PHIP: variants seen among roughly 807,000 people sequenced by gnomAD.
The protein encoded by PHIP is PH-interacting protein.
Under a neutral mutation model 236.8 loss-of-function variants are expected in PHIP, and 54 were observed. That is an observed-to-expected ratio of 0.23 (90% CI 0.18 to 0.29). The LOEUF (loss-of-function observed/expected upper bound fraction) is 0.29. Among genes scored for constraint, PHIP ranks in the 10% least tolerant of loss-of-function variants. The pLI, the probability that PHIP is intolerant of heterozygous loss-of-function variation, is 1.00. For missense variants in PHIP, 1,370 were observed against 2,190.8 expected, an observed-to-expected ratio of 0.63 and a Z score of 7.48; for synonymous variants, 756 against 718.9, an observed-to-expected ratio of 1.05 and a Z score of -0.83.
intron 17 of PHIP, among the ~76,000 whole-genome samples, 194 bp downstream of exon 17, chr6:79,001,696 AATCAAAATT>A (rs1770007585): frequency 6.6e-6 from 1 of 152,134 alleles, no homozygotes; most frequent in South Asian, 2.1e-4. Flanking sequence ...ATGGATAATA[AATCAAAATT>A]ATTACTGTAA....
chr6:78,947,036 A>T (rs1582084236), intron 36 of PHIP, among the ~76,000 whole-genome samples, 162 bp from the exon 37 acceptor site: 2 of 152,316 alleles, frequency 1.3e-5, no homozygotes, highest in East Asian at 3.9e-4. Flanking sequence ...GGTAAACTGA[A>T]GCATTTTAAC....
chr6:78,959,989 T>C (rs1766671982), intron 31 of PHIP, among the ~76,000 whole-genome samples: 1 of 152,126 alleles, frequency 6.6e-6, no homozygotes, highest in African/African-American at 2.4e-5. Context: ...AACTGTACAA[T>C]ACACTGTACA....
chr6:78,940,797 T>G lies in PHIP; in HGVS notation c.5362A>C (p.Arg1788=). The change falls in exon 40 of 40, where the codon AGG becomes CGG. Residue 1788 remains arginine (R), a synonymous_variant. Transcript: ENST00000275034. The part of the protein sequence containing the change: ...YNEDDSEEEQ[R]QLLFEDTSLT... ...GAGGTGTCTTCGAACAACAGCTGCC[T>G]TTGCTCCTCTTCAGAGTCATCCTCA... The G allele has an allele frequency of 3.1e-6, 5 of 1,613,958 alleles. No individual in the cohort carries two copies. Among genetic ancestry groups the G allele is most frequent in the Non-Finnish European group, 4.2e-6 (5 of 1,179,890 alleles).
intron 32 of PHIP, chr6:78,957,866 T>C (rs1271196509): frequency 6.6e-6 from 1 of 152,028 alleles, no homozygotes; most frequent in Admixed American, 6.6e-5. Flanking sequence ...ACTCTTGTTA[T>C]GGGATCAATG....
intron 24 of PHIP, among the ~76,000 whole-genome samples, chr6:78,972,239 A>C (rs1365442798): frequency 6.6e-6 from 1 of 152,188 alleles, no homozygotes; most frequent in African/African-American, 2.4e-5. Context: ...TGAGCAGCCT[A>C]ACTGGGAGGC....
At chr6:79,023,565 A>G (rs1261146298) in intron 9 of PHIP, among the ~76,000 whole-genome samples, 1 of 152,092 alleles carries the variant, frequency 6.6e-6, no homozygotes, top group Non-Finnish European at 1.5e-5. Context: ...TCTATTGAAC[A>G]TAATGCAAGC....
rs753756697 is a variant in PHIP, at chr6:78,946,751, T to C, written c.4330A>G (p.Arg1444Gly). ...CTGGAAACAGAGCTGCTTCTGTTTC[T>C]TTTCTTCCTCCTTTTGGTTATGGTA... is the stretch of plus-strand genomic sequence containing the variant. ...RNTITKRRKKRNRSSSVSSSA... is the reference protein window; with the variant it reads ...RNTITKRRKKGNRSSSVSSSA... The change falls in exon 37 of 40, where the codon AGA becomes GGA. Residue 1444 changes from arginine to glycine, a missense_variant. Arg to Gly is a moderately radical substitution (Grantham distance 125). Around this residue, in one of 14 missense-constraint regions of PHIP, gnomAD observed 125 missense variants for 235.1 expected, o/e 0.53. Coordinates refer to ENST00000275034, the MANE Select transcript of PHIP (RefSeq NM_017934.7). 2 of 1,589,610 alleles carry C rather than the reference T, an allele frequency of 1.3e-6. No individual in the cohort carries two copies. Among genetic ancestry groups the C allele is most frequent in the East Asian group, 2.3e-5 (1 of 43,468 alleles).
In PHIP at chr6:78,936,985, CA is replaced by C. The variant is rs1171102187; in HGVS notation, c.*3707del. The C allele has an allele frequency of 1.3e-5, 2 of 151,742 alleles. No individual in the cohort carries two copies. Among genetic ancestry groups the C allele is most frequent in the African/African-American group, 4.8e-5 (2 of 41,418 alleles). The allele number at this position is 151,742 out of a possible 1,614,324, so 9.4% of individuals were successfully genotyped here. A position where few individuals can be genotyped will look rare whatever the true frequency, so the allele number is the denominator to read the frequency against. ...AAAATAAATTCTTGCCTAAGTGTAACAAAACCACTGCTCAATCTGTTATGTT... is the reference window on the plus strand; with the variant it reads ...AAAATAAATTCTTGCCTAAGTGTAACAAACCACTGCTCAATCTGTTATGTT... On this transcript the variant is annotated 3_prime_UTR_variant, in exon 40 of 40. Coordinates refer to ENST00000275034, the MANE Select transcript of PHIP (RefSeq NM_017934.7).
chr6:79,005,274 C>T (rs1770225661), intron 15 of PHIP, among the ~76,000 whole-genome samples: 1 of 151,858 alleles, frequency 6.6e-6, no homozygotes, highest in South Asian at 2.1e-4. Flanking sequence ...GTAACTGATT[C>T]CAAGTCTACT....
intron 16 of PHIP, among the ~76,000 whole-genome samples, chr6:79,002,394 T>C (rs1446091908): frequency 6.6e-6 from 1 of 152,108 alleles, no homozygotes; most frequent in Non-Finnish European, 1.5e-5. Flanking sequence ...TTTGCAATTT[T>C]GCTTTCCATG....
In PHIP at chr6:78,988,253, G is replaced by A. The variant is rs1768987804; in HGVS notation, c.2416C>T (p.Pro806Ser). Residue 806 changes from proline (P) to serine (S), a missense_variant, in exon 21 of 40, where the codon CCT (proline) becomes TCT (serine). Pro to Ser is a moderately conservative substitution (Grantham distance 74). Around this residue, in one of 14 missense-constraint regions of PHIP, gnomAD observed 99 missense variants for 110.0 expected, o/e 0.90. Transcript: ENST00000275034. ...TTTTCTATCTCTTCTGAGGGTCTAG[G>A]AGTCTCTTCCAATGCAGATCTTGTA... ...YRTRSALEET[P>S]RPSEEIENGS... is the part of the protein sequence containing the mutation. The A allele has an allele frequency of 1.2e-6, 2 of 1,608,646 alleles. No homozygotes were observed. The highest frequency in any genetic ancestry group is 1.7e-6 in the Non-Finnish European group (2 of 1,176,358).
chr6:79,044,693 AAACT>A (rs1188391790), intron 6 of PHIP, among the ~76,000 whole-genome samples: 2 of 152,306 alleles, frequency 1.3e-5, no homozygotes, highest in Middle Eastern at 3.4e-3. Flanking sequence ...GAATTTTAGG[AAACT>A]AACAGTGTTC....
rs534912868 is a variant in PHIP, at chr6:78,940,097, A to T, written c.*596T>A. ...CTCTTGTTTGGCAGAAATGGAATAA[A>T]GCAAAAGCCTCCTCTAGATACTTTG... is the stretch of plus-strand genomic sequence containing the variant. On this transcript the variant is annotated 3_prime_UTR_variant, in exon 40 of 40. Transcript: ENST00000275034. 29 of 152,588 alleles carry T rather than the reference A, an allele frequency of 1.9e-4. No homozygotes were observed. Among genetic ancestry groups the T allele is most frequent in the Non-Finnish European group, 2.9e-5 (2 of 67,922 alleles). 9.5% of individuals were successfully genotyped at this position (152,588 alleles called of 1,614,324 possible).
intron 33 of PHIP, 130 bp downstream of exon 33, chr6:78,955,481 GTT>G (rs373838156): frequency 3.8e-4 from 172 of 453,112 alleles, no homozygotes; most frequent in African/African-American, 6.5e-4. Flanking sequence ...ACTGCCAGTT[GTT>G]TTTTTTTTTT....
At chr6:78,967,641 A>G (rs1485530075) in intron 27 of PHIP, among the ~76,000 whole-genome samples, 1 of 152,186 alleles carries the variant, frequency 6.6e-6, no homozygotes, top group East Asian at 1.9e-4. Context: ...ACTTTAGAGA[A>G]ATATTAACCC....
intron 24 of PHIP, among the ~76,000 whole-genome samples, chr6:78,975,681 G>T (rs1768001701): frequency 6.6e-6 from 1 of 152,116 alleles, no homozygotes; most frequent in Admixed American, 6.6e-5. Flanking sequence ...CAAAGTCTCA[G>T]GATACAAAAT....
At chr6:79,009,331 G>A (rs1770455479) in intron 15 of PHIP, among the ~76,000 whole-genome samples, 1 of 151,818 alleles carries the variant, frequency 6.6e-6, no homozygotes, top group Non-Finnish European at 1.5e-5. Flanking sequence ...TGTTCCTCTT[G>A]TTTATAAAAT....
chr6:79,014,308 T>A (rs1330681905), intron 15 of PHIP, among the ~76,000 whole-genome samples: 1 of 151,860 alleles, frequency 6.6e-6, no homozygotes, highest in East Asian at 1.9e-4. Flanking sequence ...GTACTAATTG[T>A]ATTGTTTTAT....
chr6:78,959,828 T>C (rs1766660379), intron 31 of PHIP, among the ~76,000 whole-genome samples: 1 of 152,202 alleles, frequency 6.6e-6, no homozygotes. Flanking sequence ...TGTTACATCC[T>C]GATAAACCCA....
Sources: allele counts gnomAD v4.1 joint callset (sites outside exome capture counted in the v4.1 genomes callset), GRCh38; gene constraint gnomAD v4.1.1; regional missense constraint gnomAD v4.1.1; transcripts MANE v1.5; gene names NCBI Gene and HGNC (gene_info 2026-07-23, HGNC 2026-07-21).